The following PKN2 variants were observed in gnomAD, a reference collection of about 807,000 sequenced individuals.
PKN2 encodes the protein protein kinase N2.
A neutral mutation model predicts 119.1 loss-of-function variants in PKN2; 38 were observed. The ratio of observed to expected loss-of-function variants is 0.32; its 90% CI spans 0.25 to 0.42. The LOEUF is 0.42. Ranked by LOEUF, PKN2 falls within the 10% of genes least tolerant of loss-of-function variation. The probability of loss-of-function intolerance (pLI) is 1.00; values close to 1 mark genes in which losing one functional copy is unlikely to be tolerated. For synonymous variants in PKN2, 390 were observed against 384.9 expected (o/e 1.01, Z -0.15); for missense variants, 850 against 1,165.1 (o/e 0.73, Z 3.94).
chr1:88,802,728 G>A (rs1333698964), intron 8 of PKN2, among the ~76,000 whole-genome samples: 3 of 152,146 alleles, frequency 2.0e-5, no homozygotes, highest in East Asian at 1.9e-4. Flanking sequence ...TAGCAAATGA[G>A]GTGATTGGAC....
rs140322009 is a variant in PKN2 at position 88,806,964 on chromosome 1, C to T, written c.1804-349C>T. On this transcript the variant is annotated intron_variant, in intron 12 of 21. Transcript: ENST00000370521. ...AACTCCTGATCTCAGGTGAGCCGCCCGCCTCGGCCTACCAAAGTGCTGGGA... is the reference window on the plus strand; with the variant it reads ...AACTCCTGATCTCAGGTGAGCCGCCTGCCTCGGCCTACCAAAGTGCTGGGA... 5.1e-3 allele frequency among the ~76,000 whole-genome samples: 778 copies of T among 152,022 alleles called. 3 individuals are homozygous for T. The highest frequency in any genetic ancestry group is 0.018 in the African/African-American group (728 of 41,472).
chr1:88,685,113 C>A (rs1666035240), intron 1 of PKN2: 1 of 155,288 alleles, frequency 6.4e-6, no homozygotes, highest in Non-Finnish European at 1.4e-5. Flanking sequence ...ACAAAGAGCG[C>A]CCCCATAACT....
intron 8 of PKN2, among the ~76,000 whole-genome samples, chr1:88,787,533 C>G (rs1193591525): frequency 6.6e-6 from 1 of 152,104 alleles, no homozygotes; most frequent in African/African-American, 2.4e-5. Context: ...CTTTTTCTCT[C>G]TGGTGATTTG....
intron 6 of PKN2, among the ~76,000 whole-genome samples, chr1:88,783,110 A>G (rs767873767): frequency 2.6e-5 from 4 of 152,144 alleles, no homozygotes; most frequent in Non-Finnish European, 5.9e-5. Flanking sequence ...CACTATTCCT[A>G]CCTATATGCA....
At chr1:88,685,520 A>T (rs1413483590) in intron 1 of PKN2, among the ~76,000 whole-genome samples, 1 of 152,180 alleles carries the variant, frequency 6.6e-6, no homozygotes, top group Non-Finnish European at 1.5e-5. Context: ...CCATTTCCAG[A>T]TAAATATTTG....
Position 88,690,103 on chromosome 1 carries a change from A to G in PKN2, c.48+5475A>G, listed in dbSNP as rs533141522. On this transcript the variant is annotated intron_variant, in intron 1 of 21. Transcript: ENST00000370521. ...TTGTCATCTCTCATTAGTGTAATAG[A>G]GATTAGGTCTAGTATCATGCAATTC... Among the ~76,000 whole-genome samples, 3 of 152,296 alleles carry G rather than the reference A, an allele frequency of 2.0e-5. No individual in the cohort carries two copies. The South Asian group carries it at 6.2e-4, about 32-fold the overall frequency.
intron 2 of PKN2, among the ~76,000 whole-genome samples, chr1:88,748,127 T>C (rs1294980875): frequency 2.6e-5 from 4 of 152,142 alleles, no homozygotes; most frequent in Non-Finnish European, 5.9e-5. Context: ...AGTAAAATTG[T>C]ATATATATTT....
intron 1 of PKN2, among the ~76,000 whole-genome samples, chr1:88,692,562 G>A (rs933551469): frequency 1.3e-5 from 2 of 152,090 alleles, no homozygotes; most frequent in African/African-American, 4.8e-5. Flanking sequence ...AAATCATAAG[G>A]GTGTAAAATG....
At chr1:88,694,996 G>A (rs948998410) in intron 1 of PKN2, among the ~76,000 whole-genome samples, 7 of 152,056 alleles carry the variant, frequency 4.6e-5, no homozygotes, top group African/African-American at 1.2e-4. Context: ...GCGTGGTGGC[G>A]GGCGCCTGTA....
chr1:88,802,837 T>C (rs1436421631), intron 8 of PKN2, among the ~76,000 whole-genome samples: 2 of 152,186 alleles, frequency 1.3e-5, no homozygotes, highest in African/African-American at 4.8e-5. Context: ...CTAGCGTATG[T>C]GCATCTTGCA....
intron 1 of PKN2, among the ~76,000 whole-genome samples, chr1:88,736,740 T>TG: frequency 6.6e-6 from 1 of 152,186 alleles, no homozygotes; most frequent in South Asian, 2.1e-4. Context: ...AGCCTGGTGG[T>TG]GGTTTGTTCC....
At chr1:88,761,537 A>T (rs1167862338) in intron 3 of PKN2, among the ~76,000 whole-genome samples, 2 of 149,184 alleles carry the variant, frequency 1.3e-5, no homozygotes, top group African/African-American at 4.9e-5. Flanking sequence ...GAACTCTGGG[A>T]GGCTGAGGCA....
chr1:88,731,047 G>T (rs750261825), intron 1 of PKN2, among the ~76,000 whole-genome samples: 3 of 152,180 alleles, frequency 2.0e-5, no homozygotes, highest in East Asian at 1.9e-4. Flanking sequence ...TGGTTTTCAT[G>T]TCTGTCTTCT....
rs113956965 is a variant in PKN2, at chr1:88,708,227, G to C, written c.48+23599G>C. ...TGCAGTTGAACCTGTTAAACCTGTA[G>C]ATCTTGTATTGTGTGAACAGAAATA... On this transcript the variant is annotated intron_variant, in intron 1 of 21. Coordinates refer to ENST00000370521, the MANE Select transcript of PKN2 (RefSeq NM_006256.4). Among the ~76,000 whole-genome samples the C allele has an allele frequency of 1.0e-2, 1,520 of 152,096 alleles. 22 individuals carry two copies. Among genetic ancestry groups the C allele is most frequent in the African/African-American group, 0.035 (1,436 of 41,504 alleles).
intron 1 of PKN2, among the ~76,000 whole-genome samples, chr1:88,718,347 A>AAGC (rs1667540923): frequency 6.6e-6 from 1 of 152,166 alleles, no homozygotes; most frequent in Non-Finnish European, 1.5e-5. Context: ...CTGCTCTCCA[A>AAGC]AGCTTTCAGA....
chr1:88,739,319 A>AG (rs1240136115), intron 1 of PKN2, among the ~76,000 whole-genome samples: 1 of 151,614 alleles, frequency 6.6e-6, no homozygotes, highest in Non-Finnish European at 1.5e-5. Context: ...CAGAAAAAAA[A>AG]AGAGATTTAT....
chr1:88,816,186 ATTG>A (rs1290045114), intron 16 of PKN2, among the ~76,000 whole-genome samples: 1 of 152,068 alleles, frequency 6.6e-6, no homozygotes, highest in Non-Finnish European at 1.5e-5. Flanking sequence ...TTGTTACAGT[ATTG>A]TTTTGCCACA....
At chr1:88,744,532 T>A (rs906260737) in intron 2 of PKN2, among the ~76,000 whole-genome samples, 5 of 152,214 alleles carry the variant, frequency 3.3e-5, no homozygotes, top group African/African-American at 1.2e-4. Context: ...GTGATTCTCC[T>A]GCCTCAGCCT....
chr1:88,831,636 TTTTCACAGATTCTTA>T (rs1672736912), intron 19 of PKN2, among the ~76,000 whole-genome samples: 1 of 152,040 alleles, frequency 6.6e-6, no homozygotes, highest in Admixed American at 6.6e-5. Flanking sequence ...TCTGAATTTA[TTTTCACAGATTCTTA>T]AAGATTGCTC....
Sources: allele counts gnomAD v4.1 joint callset (sites outside exome capture counted in the v4.1 genomes callset), GRCh38; gene constraint gnomAD v4.1.1; transcripts MANE v1.5; gene names NCBI Gene and HGNC (gene_info 2026-07-23, HGNC 2026-07-21).